ERBB4: variants seen among roughly 807,000 people sequenced by gnomAD.
ERBB4 encodes the protein erb-b2 receptor tyrosine kinase 4.
ERBB4 carries 42 observed loss-of-function variants against 158.0 expected under a neutral mutation model. The ratio of observed to expected loss-of-function variants is 0.27; its 90% CI spans 0.21 to 0.34. ERBB4 has a LOEUF of 0.34. ERBB4 is among the 10% of genes least tolerant of loss of function. The probability of loss-of-function intolerance (pLI) is 1.00; values close to 1 mark genes in which losing one functional copy is unlikely to be tolerated. For synonymous variants in ERBB4, 583 were observed against 558.7 expected, an observed-to-expected ratio of 1.04 and a Z score of -0.61; for missense variants, 1,333 against 1,624.1, an observed-to-expected ratio of 0.82 and a Z score of 3.08.
intron 1 of ERBB4, among the ~76,000 whole-genome samples, chr2:212,157,532 T>C (rs1028808516): frequency 1.3e-5 from 2 of 152,112 alleles, no homozygotes; most frequent in Admixed American, 1.3e-4. Context: ...TTTTTAGGTA[T>C]TGTAAACATA....
chr2:211,608,247 G>T (rs964388117), intron 19 of ERBB4, among the ~76,000 whole-genome samples: 1 of 152,036 alleles, frequency 6.6e-6, no homozygotes, highest in Non-Finnish European at 1.5e-5. Context: ...TCGATGCAGC[G>T]GGCAGCTGAA....
At chr2:212,528,287 G>A (rs181252312) in intron 1 of ERBB4, among the ~76,000 whole-genome samples, 10 of 152,156 alleles carry the variant, frequency 6.6e-5, no homozygotes, top group African/African-American at 1.2e-4. Flanking sequence ...AGCCTCTGCC[G>A]CCGTGAGAAA....
At chr2:211,777,201 A>C (rs2075901643) in intron 4 of ERBB4, 1 of 152,194 alleles carries the variant, frequency 6.6e-6, no homozygotes, top group African/African-American at 2.4e-5. Flanking sequence ...TCCTTCAAGC[A>C]TGATATACTT....
intron 16 of ERBB4, among the ~76,000 whole-genome samples, chr2:211,645,269 A>T (rs937122385): frequency 6.6e-6 from 1 of 151,862 alleles, no homozygotes; most frequent in African/African-American, 2.4e-5. Context: ...AGAGACAGAG[A>T]CAGAGAGAGA....
At chr2:212,070,845 G>T (rs2125444959) in intron 2 of ERBB4, among the ~76,000 whole-genome samples, 1 of 151,932 alleles carries the variant, frequency 6.6e-6, no homozygotes, top group Non-Finnish European at 1.5e-5. Flanking sequence ...TCAAATTTAA[G>T]AATCAGATTG....
At chr2:211,824,679 A>AAG (rs61322966) in intron 3 of ERBB4, among the ~76,000 whole-genome samples, 35,076 of 151,836 alleles carry the variant, frequency 0.23, 4,177 homozygotes, top group South Asian at 0.33. Context: ...AAAAGAAATG[A>AAG]ACTTGACAAT....
chr2:212,039,373 A>G (rs2077086705), intron 2 of ERBB4, among the ~76,000 whole-genome samples: 1 of 152,158 alleles, frequency 6.6e-6, no homozygotes, highest in Non-Finnish European at 1.5e-5. Flanking sequence ...CTAATCTCTG[A>G]CAACCGTAAT....
intron 1 of ERBB4, among the ~76,000 whole-genome samples, chr2:212,353,924 T>C (rs1234920555): frequency 6.6e-6 from 1 of 152,160 alleles, no homozygotes; most frequent in Non-Finnish European, 1.5e-5. Flanking sequence ...CTTCTTCTTA[T>C]ACAGGGACTT....
chr2:211,462,212 G>A (rs2125504306), intron 20 of ERBB4, among the ~76,000 whole-genome samples: 1 of 152,010 alleles, frequency 6.6e-6, no homozygotes, highest in African/African-American at 2.4e-5. Flanking sequence ...AAGAGGGGCA[G>A]GGGTGCTACA....
At chr2:212,156,506 C>T (rs2081039818) in intron 1 of ERBB4, among the ~76,000 whole-genome samples, 1 of 152,106 alleles carries the variant, frequency 6.6e-6, no homozygotes, top group Admixed American at 6.6e-5. Flanking sequence ...AGCACGCATA[C>T]CCAACCAAGC....
At chr2:211,507,365 C>A (rs1037590118) in intron 20 of ERBB4, among the ~76,000 whole-genome samples, 6 of 152,018 alleles carry the variant, frequency 3.9e-5, no homozygotes, top group African/African-American at 1.4e-4. Flanking sequence ...TTCTACAAAA[C>A]AAATAAAACC....
chr2:211,923,508 A>T (rs1443613634), intron 3 of ERBB4, among the ~76,000 whole-genome samples: 1 of 152,252 alleles, frequency 6.6e-6, no homozygotes, highest in South Asian at 2.1e-4. Flanking sequence ...AATTGCTTAT[A>T]CTAGGCAAGA....
intron 20 of ERBB4, among the ~76,000 whole-genome samples, chr2:211,545,910 T>C (rs1202267875): frequency 6.6e-6 from 1 of 152,086 alleles, no homozygotes; most frequent in Non-Finnish European, 1.5e-5. Context: ...AGGTGGAGAC[T>C]GAGCTTAGGA....
chr2:211,459,393 A>T (rs775746722), intron 20 of ERBB4, among the ~76,000 whole-genome samples: 11 of 152,200 alleles, frequency 7.2e-5, no homozygotes, highest in Non-Finnish European at 1.6e-4. Flanking sequence ...CAGAAAATGG[A>T]TCAAAACCAA....
chr2:212,444,910 C>T (rs181677176), intron 1 of ERBB4, among the ~76,000 whole-genome samples: 1 of 151,904 alleles, frequency 6.6e-6, no homozygotes, highest in Non-Finnish European at 1.5e-5. Context: ...CTGGAATAGA[C>T]ACTTACTCCA....
intron 3 of ERBB4, among the ~76,000 whole-genome samples, chr2:211,901,512 G>A (rs1338982513): frequency 6.6e-6 from 1 of 151,910 alleles, no homozygotes; most frequent in Non-Finnish European, 1.5e-5. Flanking sequence ...TACCCACCTG[G>A]GGAAATTTCT....
chr2:212,440,697 T>C (rs1289218299), intron 1 of ERBB4, among the ~76,000 whole-genome samples: 1 of 152,146 alleles, frequency 6.6e-6, no homozygotes, highest in African/African-American at 2.4e-5. Flanking sequence ...AGAACACTGA[T>C]AGTACTTGAC....
intron 3 of ERBB4, among the ~76,000 whole-genome samples, chr2:211,794,923 A>G (rs1372979289): frequency 1.3e-5 from 2 of 151,878 alleles, no homozygotes; most frequent in Non-Finnish European, 2.9e-5. Context: ...ACATAGACTC[A>G]AAGTTTGAAA....
At chr2:212,195,105 A>G (rs965951643) in intron 1 of ERBB4, among the ~76,000 whole-genome samples, 5 of 152,188 alleles carry the variant, frequency 3.3e-5, no homozygotes, top group Admixed American at 3.3e-4. Context: ...TATATAGTGC[A>G]TAAAAATGTT....
Sources: gnomAD v4.1 joint callset for allele counts (sites outside exome capture counted in the v4.1 genomes callset) on GRCh38, gnomAD v4.1.1 for gene constraint, MANE v1.5 for transcripts, NCBI Gene and HGNC (gene_info 2026-07-23, HGNC 2026-07-21) for gene names.